The following C3orf52 variants were observed in gnomAD, a reference collection of about 807,000 sequenced individuals.
The protein encoded by C3orf52 is chromosome 3 open reading frame 52, also known as TPA-induced transmembrane protein.
In C3orf52, 22 loss-of-function variants were observed where a neutral mutation model predicts 24.8. That is an observed-to-expected ratio of 0.89 (90% CI 0.63 to 1.27). The LOEUF is 1.27. Ranked by LOEUF, C3orf52 falls within the 50% of genes most tolerant of loss-of-function variation. The pLI, the probability that C3orf52 is intolerant of heterozygous loss-of-function variation, is 0.00. For missense variants in C3orf52, 265 were observed against 260.7 expected (o/e 1.02, Z -0.11); for synonymous variants, 93 against 100.2 (o/e 0.93, Z 0.43).
downstream of C3orf52, chr3:112,119,527 C>T (rs1553769017): frequency 2.8e-6 from 2 of 702,934 alleles, no homozygotes; most frequent in Non-Finnish European, 5.2e-6. Context: ...GAAGATTTGC[C>T]TTCCTTTACA....
intron 1 of C3orf52, among the ~76,000 whole-genome samples, chr3:112,092,800 A>G (rs1256692352): frequency 1.3e-5 from 2 of 152,060 alleles, no homozygotes; most frequent in African/African-American, 2.4e-5. Flanking sequence ...CATAGAACCT[A>G]GGCCACAGCA....
chr3:112,088,188 C>G (rs1365777173), intron 1 of C3orf52, among the ~76,000 whole-genome samples: 1 of 152,174 alleles, frequency 6.6e-6, no homozygotes, highest in Admixed American at 6.5e-5. Context: ...AGGTGAAGGG[C>G]TACAGGAGTA....
At chr3:112,126,198 G>A (rs2074313186) in intron 4 of C3orf52, among the ~76,000 whole-genome samples, 1 of 152,184 alleles carries the variant, frequency 6.6e-6, no homozygotes, top group South Asian at 2.1e-4. Flanking sequence ...GACTCCTGGA[G>A]TGAAGTGGCT....
At chr3:112,132,104 A>C (rs1357084738), downstream of C3orf52, among the ~76,000 whole-genome samples, 1 of 152,354 alleles carries the variant, frequency 6.6e-6, no homozygotes, top group South Asian at 2.1e-4. Flanking sequence ...AGTAATTTAT[A>C]TAATTGTTAG....
At chr3:112,115,583 A>AG (rs1263056926) in intron 5 of C3orf52, among the ~76,000 whole-genome samples, 1 of 152,160 alleles carries the variant, frequency 6.6e-6, no homozygotes, top group African/African-American at 2.4e-5. Context: ...CCTTCTCCCC[A>AG]GGAAAAAAAA....
Position 112,113,092 on chromosome 3 carries a change from A to G in C3orf52, c.596A>G (p.Asn199Ser). The G allele has an allele frequency of 6.2e-7, 1 of 1,611,766 alleles. No individual in the cohort carries two copies. Among genetic ancestry groups the G allele is most frequent in the African/African-American group, 1.3e-5 (1 of 75,018 alleles). Residue 199 changes from asparagine to serine, a missense_variant, in exon 5 of 6, where the codon AAT becomes AGT. Physicochemically the swap from Asn to Ser is conservative, Grantham distance 46. Coordinates refer to ENST00000264848, the MANE Select transcript of C3orf52 (RefSeq NM_024616.3). ...TTGCTACAGGATTTCCGTGATCAGA[A>G]TATACCTGGTTGTGAGAGTCTGGGG... Reference protein sequence around the residue: ...GILLQDFRDQNIPGCESLGLD... With the variant: ...GILLQDFRDQSIPGCESLGLD...
rs139531193 is a variant in C3orf52, at chr3:112,102,864, G to T, written c.295G>T (p.Glu99Ter). 6.7e-5 allele frequency: 106 copies of T among 1,576,680 alleles called. No homozygotes were observed. The highest frequency in any genetic ancestry group is 8.6e-5 in the Non-Finnish European group (100 of 1,159,946). Reference protein sequence around the residue: ...AVTYVDEDENEILELSSNKTF... With the variant: ...AVTYVDEDEN ...AACTTATGTTGATGAAGATGAAAAT[G>T]AAATACTTGAATTATCATCAAACAA... Residue 99 changes from glutamate (E) to a stop codon, truncating the protein, a stop_gained, in exon 3 of 6, where the codon GAA becomes TAA. Coordinates refer to ENST00000264848, the MANE Select transcript of C3orf52 (RefSeq NM_024616.3). LOFTEE classifies it high-confidence loss of function.
At chr3:112,086,779 T>A (rs2073831957) in intron 1 of C3orf52, among the ~76,000 whole-genome samples, 1 of 152,172 alleles carries the variant, frequency 6.6e-6, no homozygotes, top group Non-Finnish European at 1.5e-5. Flanking sequence ...CCCGAGGCGC[T>A]TTAGGAATCC....
chr3:112,099,672 A>G (rs2073954933), intron 2 of C3orf52, among the ~76,000 whole-genome samples: 2 of 152,234 alleles, frequency 1.3e-5, no homozygotes, highest in Admixed American at 6.5e-5. Flanking sequence ...TATATTCATA[A>G]GGTGCATAGT....
intron 5 of C3orf52, among the ~76,000 whole-genome samples, chr3:112,114,404 T>TAAAAAAA (rs34730547): frequency 1.6e-5 from 2 of 122,258 alleles, no homozygotes; most frequent in Admixed American, 8.5e-5. Context: ...TTACAGGAAT[T>TAAAAAAA]AAAAAAAAAA....
At chr3:112,129,754 G>A (rs1370361804), downstream of C3orf52, 1 of 152,148 alleles carries the variant, frequency 6.6e-6, no homozygotes, top group African/African-American at 2.4e-5. Context: ...GCGGGCATTG[G>A]TGTTAGAAAA....
chr3:112,119,715 A>G (rs1460781830), downstream of C3orf52, among the ~76,000 whole-genome samples: 1 of 152,190 alleles, frequency 6.6e-6, no homozygotes, highest in Non-Finnish European at 1.5e-5. Context: ...AAAATAAGTT[A>G]ATTTACACTG....
chr3:112,104,831 G>A (rs1055907393), intron 3 of C3orf52, among the ~76,000 whole-genome samples: 1 of 152,042 alleles, frequency 6.6e-6, no homozygotes, highest in Non-Finnish European at 1.5e-5. Flanking sequence ...CTTCATTTAT[G>A]TCTTATCTTC....
chr3:112,086,417 GC>G lies in C3orf52; in HGVS notation c.13del (p.Gln5AsnfsTer6). The G allele has an allele frequency of 6.5e-7, 1 of 1,549,810 alleles. No individual in the cohort carries two copies. The highest frequency in any genetic ancestry group is 8.7e-7 in the Non-Finnish European group (1 of 1,145,968). MDLAQPSQPVDELE... is the reference protein window; with the variant it reads MDLXQPSQPVDELE... ...CTTTCCCTGCCGGCACATGGACCTG[GC>G]CCAACCCTCACAGCCAGTAGACGAG... On this transcript the variant is annotated frameshift_variant, in exon 1 of 6. Transcript: ENST00000264848. LOFTEE classifies it high-confidence loss of function.
exon 5 of C3orf52, chr3:112,128,279 G>T (rs2107808825): frequency 1.5e-6 from 1 of 686,644 alleles, no homozygotes; most frequent in East Asian, 2.8e-5. Context: ...AAAGCTTTCT[G>T]CTGTGTTCCC....
chr3:112,112,130 G>C (rs917329659), intron 4 of C3orf52: 2 of 152,164 alleles, frequency 1.3e-5, no homozygotes, highest in African/African-American at 4.8e-5. Context: ...TTCTTAATCT[G>C]GCCCATCTTA....
chr3:112,120,348 T>A (rs1485499426), downstream of C3orf52, among the ~76,000 whole-genome samples: 1 of 152,236 alleles, frequency 6.6e-6, no homozygotes, highest in Non-Finnish European at 1.5e-5. Context: ...CCTGAGACTA[T>A]CCGAAGCATC....
downstream of C3orf52, chr3:112,119,368 T>C: frequency 1.5e-6 from 1 of 684,532 alleles, no homozygotes; most frequent in East Asian, 2.7e-5. Flanking sequence ...AGAGTGAAAC[T>C]CCATAACAAA....
At chr3:112,120,915 A>AT (rs1190151479), downstream of C3orf52, 2 of 152,140 alleles carry the variant, frequency 1.3e-5, no homozygotes, top group South Asian at 4.1e-4. Context: ...TCATATCAGA[A>AT]TTTTTTAACT....
Sources: gnomAD v4.1 joint callset for allele counts (sites outside exome capture counted in the v4.1 genomes callset) on GRCh38, gnomAD v4.1.1 for gene constraint, MANE v1.5 for transcripts, NCBI Gene and HGNC (gene_info 2026-07-23, HGNC 2026-07-21) for gene names.